The following MTFR1 variants were observed in gnomAD, a reference collection of about 807,000 sequenced individuals.
The protein encoded by MTFR1 is chondrocyte protein with a poly-proline region.
A neutral mutation model predicts 38.8 loss-of-function variants in MTFR1; 28 were observed. The ratio of observed to expected loss-of-function variants is 0.72; its 90% CI spans 0.53 to 0.99. The LOEUF is 0.99. Among genes scored for constraint, MTFR1 ranks in the 50% least tolerant of loss-of-function variants. The pLI, the probability that MTFR1 is intolerant of heterozygous loss-of-function variation, is 0.00. For missense variants in MTFR1, 358 were observed against 395.5 expected, an observed-to-expected ratio of 0.91 and a Z score of 0.81; for synonymous variants, 145 against 137.0, an observed-to-expected ratio of 1.06 and a Z score of -0.41.
intron 4 of MTFR1, among the ~76,000 whole-genome samples, chr8:65,701,465 A>C (rs1236941403): frequency 6.6e-6 from 1 of 152,186 alleles, no homozygotes; most frequent in African/African-American, 2.4e-5. Context: ...TAATTTGTTC[A>C]TTCTATATTA....
downstream of MTFR1, among the ~76,000 whole-genome samples, chr8:65,772,373 T>C (rs80198773): frequency 0.069 from 10,531 of 152,242 alleles, 617 homozygotes; most frequent in African/African-American, 0.16. Flanking sequence ...ATTATAGTCT[T>C]TCAAAGCTTC....
intron 2 of MTFR1, 29 bp downstream of exon 2, chr8:65,670,047 C>T (rs1366365952): frequency 1.3e-6 from 2 of 1,557,556 alleles, no homozygotes; most frequent in Non-Finnish European, 8.7e-7. Context: ...TTTTTTAAAT[C>T]CCGACATTTA....
At chr8:65,684,835 T>C (rs1805022133) in intron 3 of MTFR1, among the ~76,000 whole-genome samples, 1 of 151,788 alleles carries the variant, frequency 6.6e-6, no homozygotes, top group African/African-American at 2.4e-5. Context: ...AGAAACCCCA[T>C]GTCTACTAAA....
rs576957243 is a variant in MTFR1, at chr8:65,756,437, T to C, written c.*49-14510T>C. Among the ~76,000 whole-genome samples, 19 of 152,166 alleles carry C rather than the reference T, an allele frequency of 1.2e-4. No homozygotes were observed. In the East Asian group the frequency reaches 2.1e-3, roughly 17 times the overall value. ...AGGCTCTGTTCATTTCTCTTTTTTT[T>C]CTCTCTCTCTTTCTACTCCTCAGAA... On this transcript the variant is annotated intron_variant, in intron 3 of 3. Transcript: ENST00000521247.
At chr8:65,739,742 C>A (rs556370660) in intron 3 of MTFR1, 140 of 903,896 alleles carry the variant, frequency 1.5e-4, no homozygotes, top group Non-Finnish European at 2.0e-4. Context: ...CATCTTCTTA[C>A]CAGTTATGAA....
intron 5 of MTFR1, 151 bp from the exon 6 acceptor site, chr8:65,706,859 A>G (rs1217043666): frequency 1.3e-6 from 1 of 791,786 alleles, no homozygotes; most frequent in East Asian, 2.8e-5. Context: ...TCATGAAGTA[A>G]CTGAAACTGT....
intron 3 of MTFR1, chr8:65,725,323 G>T (rs1317707589): frequency 1.9e-5 from 3 of 156,592 alleles, no homozygotes; most frequent in African/African-American, 7.2e-5. Flanking sequence ...TAGTGCCTGA[G>T]ATCTGAAGGC....
intron 3 of MTFR1, among the ~76,000 whole-genome samples, chr8:65,690,824 C>T (rs1456131178): frequency 1.3e-5 from 2 of 152,272 alleles, no homozygotes; most frequent in African/African-American, 4.8e-5. Context: ...ATTTGTCTAA[C>T]ACTTATACAA....
At chr8:65,717,342 C>A (rs1563465405) in intron 2 of MTFR1, among the ~76,000 whole-genome samples, 4 of 152,148 alleles carry the variant, frequency 2.6e-5, no homozygotes, top group African/African-American at 9.7e-5. Flanking sequence ...AGTGGAGTGG[C>A]CTTTTCTTAT....
At chr8:65,714,704 A>G (rs868694753), downstream of MTFR1, 1 of 152,248 alleles carries the variant, frequency 6.6e-6, no homozygotes, top group Non-Finnish European at 1.5e-5. Context: ...ACATTTATAC[A>G]TTAAAATATT....
chr8:65,755,092 C>T (rs1808162587), intron 3 of MTFR1, among the ~76,000 whole-genome samples: 1 of 146,370 alleles, frequency 6.8e-6, no homozygotes, highest in Non-Finnish European at 1.5e-5. Context: ...GTGGTTTCGG[C>T]TCACTGTAAC....
intron 2 of MTFR1, chr8:65,718,034 G>A (rs1466261938): frequency 6.6e-6 from 1 of 152,170 alleles, no homozygotes; most frequent in Non-Finnish European, 1.5e-5. Flanking sequence ...AAAGGGTAAC[G>A]TTTCATCAAA....
At chr8:65,745,410 T>G in intron 3 of MTFR1, 1 of 1,539,990 alleles carries the variant, frequency 6.5e-7, no homozygotes, top group Non-Finnish European at 9.0e-7. Context: ...CACTTACCAT[T>G]TGTTAGTCTA....
chr8:65,769,247 CAAA>C (rs61554087), intron 3 of MTFR1, among the ~76,000 whole-genome samples: 3 of 74,452 alleles, frequency 4.0e-5, no homozygotes, highest in African/African-American at 1.0e-4. Context: ...GACTCAGTCT[CAAA>C]AAAAAAAAAA....
intron 1 of MTFR1, among the ~76,000 whole-genome samples, chr8:65,662,786 C>T (rs531954317): frequency 8.0e-4 from 120 of 150,510 alleles, no homozygotes; most frequent in Middle Eastern, 3.5e-3. Context: ...CTCCGCCCAG[C>T]AGCCACCCCG....
At chr8:65,708,035 T>G in intron 7 of MTFR1, 24 bp downstream of exon 7, 1 of 1,609,410 alleles carries the variant, frequency 6.2e-7, no homozygotes, top group South Asian at 1.1e-5. Flanking sequence ...CCAGATTTCT[T>G]TCCTGTTATG....
At chr8:65,657,547 T>A (rs1379448769) in intron 1 of MTFR1, among the ~76,000 whole-genome samples, 1 of 151,578 alleles carries the variant, frequency 6.6e-6, no homozygotes, top group Non-Finnish European at 1.5e-5. Context: ...TAAAAAAAAT[T>A]TAAAAAAATA....
intron 3 of MTFR1, chr8:65,719,499 G>A (rs1352970420): frequency 6.3e-7 from 1 of 1,575,000 alleles, no homozygotes; most frequent in Non-Finnish European, 8.7e-7. Flanking sequence ...ATAAAACCTT[G>A]AGAAAATAGG....
intron 3 of MTFR1, chr8:65,727,694 A>C (rs1806669733): frequency 6.3e-6 from 1 of 157,624 alleles, no homozygotes; most frequent in Non-Finnish European, 1.4e-5. Context: ...CTAAAATTTT[A>C]AGGGTGTTTA....
Sources: gnomAD v4.1 joint callset for allele counts (sites outside exome capture counted in the v4.1 genomes callset) on GRCh38, gnomAD v4.1.1 for gene constraint, MANE v1.5 for transcripts, NCBI Gene and HGNC (gene_info 2026-07-23, HGNC 2026-07-21) for gene names.